The following RXRA variants were observed in gnomAD, a reference collection of about 807,000 sequenced individuals.
RXRA encodes the protein retinoid X receptor alpha.
In RXRA, 5 loss-of-function variants were observed where a neutral mutation model predicts 44.5. The ratio of observed to expected loss-of-function variants is 0.11; its 90% CI spans 0.06 to 0.24. RXRA has a LOEUF of 0.24. Among genes scored for constraint, RXRA ranks in the 10% least tolerant of loss-of-function variants. The pLI is 1.00. For missense variants in RXRA, 412 were observed against 646.5 expected, an observed-to-expected ratio of 0.64 and a Z score of 3.93; for synonymous variants, 291 against 271.4, an observed-to-expected ratio of 1.07 and a Z score of -0.71.
At chr9:134,388,395 T>C (rs1453009047) in intron 1 of RXRA, among the ~76,000 whole-genome samples, 1 of 152,144 alleles carries the variant, frequency 6.6e-6, no homozygotes, top group East Asian at 1.9e-4. Context: ...GCGCACTTAC[T>C]GTCTCTTCTG....
At chr9:134,419,697 T>C (rs1564293626) in intron 5 of RXRA, among the ~76,000 whole-genome samples, 1 of 152,204 alleles carries the variant, frequency 6.6e-6, no homozygotes, top group Non-Finnish European at 1.5e-5. Flanking sequence ...ATGAGGCACG[T>C]TGGATCTCCA....
In RXRA at chr9:134,326,476, T is replaced by A. The variant is rs1834909924; in HGVS notation, c.-156T>A. 1 of 137,144 alleles carries A rather than the reference T, an allele frequency of 7.3e-6. No homozygotes were observed. Among genetic ancestry groups the A allele is most frequent in the African/African-American group, 2.6e-5 (1 of 37,954 alleles). 8.5% of individuals were successfully genotyped at this position (137,144 alleles called of 1,614,324 possible). On this transcript the variant is annotated 5_prime_UTR_variant, in exon 1 of 10. Transcript: ENST00000481739. Reference sequence around the variant, plus strand: ...AAGTAGTTTACATTGTTGGGCGACTTTTGCAACAACTCGCCGCGCCGCGGC... The same window carrying A: ...AAGTAGTTTACATTGTTGGGCGACTATTGCAACAACTCGCCGCGCCGCGGC...
intron 1 of RXRA, among the ~76,000 whole-genome samples, chr9:134,363,299 G>A (rs535661244): frequency 1.3e-3 from 204 of 152,344 alleles, no homozygotes; most frequent in African/African-American, 4.8e-3. Flanking sequence ...CAGGGCCGTC[G>A]GGCCTCAGAG....
chr9:134,412,960 G>A (rs140109266), intron 4 of RXRA, among the ~76,000 whole-genome samples: 7 of 152,358 alleles, frequency 4.6e-5, no homozygotes, highest in African/African-American at 1.7e-4. Context: ...GACTGGGTGT[G>A]GAAACAGCAG....
chr9:134,334,114 G>A (rs894981591), intron 1 of RXRA, among the ~76,000 whole-genome samples: 25 of 152,260 alleles, frequency 1.6e-4, no homozygotes, highest in Admixed American at 7.8e-4. Flanking sequence ...GTGATCCCAC[G>A]CCTGTGTTAG....
chr9:134,361,206 T>C (rs1296621000), intron 1 of RXRA, among the ~76,000 whole-genome samples: 1 of 152,206 alleles, frequency 6.6e-6, no homozygotes, highest in Non-Finnish European at 1.5e-5. Flanking sequence ...CCTTTTCCGG[T>C]TGGGCACTGG....
At chr9:134,327,283 C>T (rs1834931624) in intron 1 of RXRA, among the ~76,000 whole-genome samples, 1 of 152,166 alleles carries the variant, frequency 6.6e-6, no homozygotes, top group Admixed American at 6.5e-5. Flanking sequence ...TCTGGCACCC[C>T]CGGGTGTTCT....
At chr9:134,429,954 T>C (rs1178918837) in intron 7 of RXRA, among the ~76,000 whole-genome samples, 3 of 152,074 alleles carry the variant, frequency 2.0e-5, no homozygotes, top group South Asian at 2.1e-4. Flanking sequence ...GGTGCAATCT[T>C]GGCTCACTGC....
intron 7 of RXRA, among the ~76,000 whole-genome samples, chr9:134,430,178 G>A (rs888246271): frequency 6.6e-6 from 1 of 152,178 alleles, no homozygotes; most frequent in Admixed American, 6.5e-5. Flanking sequence ...GAGCCGCCGC[G>A]CCCGGCCTCT....
rs965250854 is a variant in RXRA at position 134,349,957 on chromosome 9, C to G, written c.28+23298C>G. ...GGCTGCAGCTGGTGTCTGGAGGTCC[C>G]CAGGCACTGCTGGGACCCCTTCCCC... On this transcript the variant is annotated intron_variant, in intron 1 of 9. Transcript: ENST00000481739. This position sits in a 1 kb window ranked among gnomAD's most constrained non-coding sequence, Gnocchi z 4.3. Among the ~76,000 whole-genome samples the G allele has an allele frequency of 5.3e-5, 8 of 151,924 alleles. No individual in the cohort carries two copies. Among genetic ancestry groups the G allele is most frequent in the Non-Finnish European group, 8.8e-5 (6 of 68,006 alleles).
At chr9:134,409,309 T>C (rs974938533) in intron 4 of RXRA, among the ~76,000 whole-genome samples, 190 bp downstream of exon 4, 2 of 152,168 alleles carry the variant, frequency 1.3e-5, no homozygotes, top group African/African-American at 4.8e-5. Context: ...TGGGCACACA[T>C]GGGTCCTGGG....
At chr9:134,331,467 C>T (rs868922780) in intron 1 of RXRA, among the ~76,000 whole-genome samples, 1 of 152,194 alleles carries the variant, frequency 6.6e-6, no homozygotes, top group Non-Finnish European at 1.5e-5. Context: ...TCTCACCTGG[C>T]GCTGTTGGCC....
chr9:134,436,329 T>C (rs6413514), intron 9 of RXRA, 138 bp from the exon 10 acceptor site: 70,485 of 816,502 alleles, frequency 0.086, 4,734 homozygotes, highest in African/African-American at 0.28. Context: ...AGGCTTGGCA[T>C]AGGCAGATTC....
intron 1 of RXRA, among the ~76,000 whole-genome samples, chr9:134,387,774 C>T (rs1830741555): frequency 6.6e-6 from 1 of 152,248 alleles, no homozygotes; most frequent in African/African-American, 2.4e-5. Context: ...TAGCTGGTGA[C>T]CATGAGCCTG....
intron 2 of RXRA, 116 bp downstream of exon 2, chr9:134,401,998 C>A: frequency 2.3e-6 from 2 of 870,926 alleles, no homozygotes; most frequent in Non-Finnish European, 3.4e-6. Flanking sequence ...TGTGGTCTCC[C>A]CGCTTGACGC....
At chr9:134,370,195 G>T (rs1336303751) in intron 1 of RXRA, among the ~76,000 whole-genome samples, 1 of 152,208 alleles carries the variant, frequency 6.6e-6, no homozygotes, top group Admixed American at 6.5e-5. Flanking sequence ...AGGAGCCCCG[G>T]AGGCCCTGTG....
intron 1 of RXRA, among the ~76,000 whole-genome samples, chr9:134,350,351 C>T (rs1554749309): frequency 6.6e-6 from 1 of 152,202 alleles, no homozygotes; most frequent in Admixed American, 6.5e-5. Flanking sequence ...TTTGCCCCTC[C>T]AAGCCTCAGT....
At chr9:134,327,134 G>T (rs1410763374) in intron 1 of RXRA, among the ~76,000 whole-genome samples, 3 of 152,116 alleles carry the variant, frequency 2.0e-5, no homozygotes, top group African/African-American at 7.2e-5. Context: ...TGGCCCTTGG[G>T]TGTGTGTCCG....
chr9:134,383,152 A>C (rs974504113), intron 1 of RXRA, among the ~76,000 whole-genome samples: 1 of 152,166 alleles, frequency 6.6e-6, no homozygotes, highest in African/African-American at 2.4e-5. Flanking sequence ...GTCAGCACAC[A>C]CAGGGGGGCC....
Sources: allele counts gnomAD v4.1 joint callset (sites outside exome capture counted in the v4.1 genomes callset), GRCh38; gene constraint gnomAD v4.1.1; non-coding constraint Gnocchi (gnomAD v3.1); transcripts MANE v1.5; gene names NCBI Gene and HGNC (gene_info 2026-07-23, HGNC 2026-07-21).